SYT17: variants seen among roughly 807,000 people sequenced by gnomAD.
SYT17 encodes synaptotagmin 17.
In SYT17, 22 loss-of-function variants were observed where a neutral mutation model predicts 46.7. The observed-to-expected ratio is 0.47, with a 90% confidence interval of 0.34 to 0.67. SYT17 has a LOEUF of 0.67. Ranked by LOEUF, SYT17 falls within the 30% of genes least tolerant of loss-of-function variation. The pLI, the probability that SYT17 is intolerant of heterozygous loss-of-function variation, is 0.01. For synonymous variants in SYT17, 251 were observed against 248.4 expected, an observed-to-expected ratio of 1.01 and a Z score of -0.10; for missense variants, 519 against 612.8, an observed-to-expected ratio of 0.85 and a Z score of 1.62.
intron 5 of SYT17, 28 bp downstream of exon 5, chr16:19,184,175 C>T: frequency 1.3e-6 from 2 of 1,557,084 alleles, no homozygotes; most frequent in Non-Finnish European, 1.7e-6. Flanking sequence ...GGTGTTTCCT[C>T]CTGGGAGCTT....
At chr16:19,245,468 C>T (rs887194943) in intron 7 of SYT17, among the ~76,000 whole-genome samples, 6 of 152,122 alleles carry the variant, frequency 3.9e-5, no homozygotes, top group African/African-American at 9.7e-5. Context: ...CTCCACCAGG[C>T]GCCGAGAAGG....
intron 5 of SYT17, among the ~76,000 whole-genome samples, chr16:19,189,561 G>A (rs1207986122): frequency 6.6e-6 from 1 of 152,064 alleles, no homozygotes; most frequent in Non-Finnish European, 1.5e-5. Context: ...TTTTGCCCAG[G>A]TTGGTCTTAA....
rs1308109556 is a variant in SYT17, at chr16:19,197,934, G to A, written c.951+13787G>A. 8.5e-5 allele frequency among the ~76,000 whole-genome samples: 13 copies of A among 152,118 alleles called. 1 individual carries two copies. The highest frequency in any genetic ancestry group is 2.9e-5 in the Non-Finnish European group (2 of 68,010). On this transcript the variant is annotated intron_variant, in intron 5 of 7. Coordinates refer to ENST00000355377, the MANE Select transcript of SYT17 (RefSeq NM_016524.4). ...AACTTCTTTACCCCACAAGGGAGGC[G>A]ATCTCATGATAGCTAAGAGCATAGA...
chr16:19,209,899 AAAACAAC>A (rs766226491), intron 5 of SYT17, among the ~76,000 whole-genome samples: 3 of 149,458 alleles, frequency 2.0e-5, no homozygotes, highest in African/African-American at 5.0e-5. Flanking sequence ...AAACAAAACA[AAAACAAC>A]AACAACAACA....
intron 7 of SYT17, among the ~76,000 whole-genome samples, chr16:19,255,524 C>T: frequency 6.6e-6 from 1 of 152,114 alleles, no homozygotes; most frequent in East Asian, 1.9e-4. Flanking sequence ...CGGTGGCTCA[C>T]ACCTGTAATC....
chr16:19,224,037 G>A (rs78025874), intron 6 of SYT17, among the ~76,000 whole-genome samples: 4,491 of 152,272 alleles, frequency 0.029, 232 homozygotes, highest in African/African-American at 0.1. Context: ...ATCTTGATAA[G>A]TTGTTTAAAC....
chr16:19,210,397 CTG>C (rs1422592559), intron 5 of SYT17, among the ~76,000 whole-genome samples: 1 of 151,986 alleles, frequency 6.6e-6, no homozygotes, highest in Non-Finnish European at 1.5e-5. Context: ...TTCTCACTAA[CTG>C]TATGTTTGTA....
At chr16:19,264,494 A>G (rs1969222392) in intron 7 of SYT17, among the ~76,000 whole-genome samples, 2 of 152,136 alleles carry the variant, frequency 1.3e-5, no homozygotes, top group African/African-American at 2.4e-5. Context: ...GAGTTATGAC[A>G]TATTTATTTT....
chr16:19,217,435 C>T (rs2142837128), intron 5 of SYT17, among the ~76,000 whole-genome samples: 1 of 152,178 alleles, frequency 6.6e-6, no homozygotes, highest in Middle Eastern at 3.4e-3. Context: ...TATGGATTTA[C>T]CTATTCTGGA....
chr16:19,207,579 C>G (rs1019389719), intron 5 of SYT17, among the ~76,000 whole-genome samples: 2 of 152,102 alleles, frequency 1.3e-5, no homozygotes, highest in Admixed American at 1.3e-4. Context: ...CTCCTGAGAA[C>G]TCTATCATGA....
At chr16:19,262,473 A>G (rs1259064948) in intron 7 of SYT17, among the ~76,000 whole-genome samples, 1 of 152,186 alleles carries the variant, frequency 6.6e-6, no homozygotes, top group Non-Finnish European at 1.5e-5. Context: ...TGTTTATGGT[A>G]ATTTGTTATA....
At position 19,168,616 on chromosome 16, in the gene SYT17, C is replaced by T. The variant is rs1963956772; in HGVS notation, c.-31C>T. 2 of 1,541,228 alleles carry T rather than the reference C, an allele frequency of 1.3e-6. No individual in the cohort carries two copies. The highest frequency in any genetic ancestry group is 8.8e-7 in the Non-Finnish European group (1 of 1,141,994). ...GCAAAGTGGCCGTGGCGGCGCCATG[C>T]CCGGGCCGGAGTGAGTGCGCGCGGG... is the stretch of plus-strand genomic sequence containing the variant. On this transcript the variant is annotated 5_prime_UTR_variant, in exon 1 of 8. Transcript: ENST00000355377. This position sits in a 1 kb window ranked among gnomAD's most constrained non-coding sequence, Gnocchi z 6.9.
chr16:19,260,259 G>A (rs947930844), intron 7 of SYT17, among the ~76,000 whole-genome samples: 1 of 147,398 alleles, frequency 6.8e-6, no homozygotes. Context: ...AGAGGCCAAG[G>A]CGGGAAGATC....
At chr16:19,240,641 C>A (rs1410821454) in intron 7 of SYT17, among the ~76,000 whole-genome samples, 1 of 152,210 alleles carries the variant, frequency 6.6e-6, no homozygotes, top group African/African-American at 2.4e-5. Flanking sequence ...GGCCTGGTCC[C>A]CAGGCTTCAG....
intron 1 of SYT17, chr16:19,172,310 A>G: frequency 7.6e-7 from 1 of 1,311,630 alleles, no homozygotes; most frequent in Non-Finnish European, 9.6e-7. Flanking sequence ...GGCCTCCGGG[A>G]GGGCGGGGGA....
chr16:19,252,541 T>A (rs74332842), intron 7 of SYT17, among the ~76,000 whole-genome samples: 286 of 28,096 alleles, frequency 0.01, 84 homozygotes, highest in Admixed American at 0.019. Context: ...ATATATATAT[T>A]TTTTTTTAAA....
At chr16:19,256,245 T>A (rs1274077864) in intron 7 of SYT17, among the ~76,000 whole-genome samples, 4 of 151,958 alleles carry the variant, frequency 2.6e-5, no homozygotes, top group African/African-American at 9.7e-5. Context: ...TCCCTCCTTA[T>A]CTGCTGCTTG....
At chr16:19,216,860 A>G (rs1217266386) in intron 5 of SYT17, among the ~76,000 whole-genome samples, 1 of 152,156 alleles carries the variant, frequency 6.6e-6, no homozygotes, top group Non-Finnish European at 1.5e-5. Context: ...ATGTGTCTTT[A>G]TAGTAGAATG....
intron 5 of SYT17, among the ~76,000 whole-genome samples, chr16:19,213,186 G>A (rs1482218178): frequency 6.6e-6 from 1 of 152,230 alleles, no homozygotes; most frequent in Non-Finnish European, 1.5e-5. Flanking sequence ...GTAGGAAGGT[G>A]TTTCTCACAG....
Sources: gnomAD v4.1 joint callset for allele counts (sites outside exome capture counted in the v4.1 genomes callset) on GRCh38, gnomAD v4.1.1 for gene constraint, Gnocchi (gnomAD v3.1) non-coding constraint, MANE v1.5 for transcripts, NCBI Gene and HGNC (gene_info 2026-07-23, HGNC 2026-07-21) for gene names.